Variants in ZMYND8 observed in about 807,000 individuals in gnomAD.
ZMYND8 encodes the protein MYND-type zinc finger-containing chromatin reader ZMYND8.
In ZMYND8, 37 loss-of-function variants were observed where a neutral mutation model predicts 140.8. The observed-to-expected ratio is 0.26, with a 90% confidence interval of 0.20 to 0.35. The LOEUF (loss-of-function observed/expected upper bound fraction) is 0.35. Among genes scored for constraint, ZMYND8 ranks in the 10% least tolerant of loss-of-function variants. The pLI is 1.00. For synonymous variants in ZMYND8, 592 were observed against 597.1 expected (o/e 0.99, Z 0.12); for missense variants, 1,068 against 1,570.0 (o/e 0.68, Z 5.40).
Position 47,301,640 on chromosome 20 carries a change from A to G in ZMYND8, c.235-2693T>C, listed in dbSNP as rs147862268. Among the ~76,000 whole-genome samples, 16 of 152,180 alleles carry G rather than the reference A, an allele frequency of 1.1e-4. No homozygotes were observed. In the East Asian group the frequency reaches 2.9e-3, roughly 27 times the overall value. ...CAGAAAGGTACTAAGAGCACTCCCT[A>G]ATGAGAAAATCAGAAATCAAAAATG... On this transcript the variant is annotated intron_variant, in intron 3 of 22. Coordinates refer to ENST00000471951, the MANE Select transcript of ZMYND8 (RefSeq NM_001281775.3).
intron 8 of ZMYND8, among the ~76,000 whole-genome samples, chr20:47,284,009 G>A (rs1042813275): frequency 1.5e-4 from 22 of 151,688 alleles, no homozygotes; most frequent in African/African-American, 3.9e-4. Flanking sequence ...TGCAACTTTC[G>A]CTTCCTGCGT....
intron 11 of ZMYND8, among the ~76,000 whole-genome samples, chr20:47,266,815 C>CTGTG (rs149463962): frequency 2.0e-5 from 3 of 151,080 alleles, no homozygotes; most frequent in Non-Finnish European, 3.0e-5. Context: ...ACAAAGCACT[C>CTGTG]TGTGTGTGTG....
chr20:47,223,369 G>A (rs1268556496), intron 19 of ZMYND8, among the ~76,000 whole-genome samples: 1 of 151,842 alleles, frequency 6.6e-6, no homozygotes, highest in Non-Finnish European at 1.5e-5. Context: ...AGCTGCGCAT[G>A]GTGATGTGTG....
chr20:47,355,986 T>G (rs2083201981), intron 1 of ZMYND8, among the ~76,000 whole-genome samples: 1 of 152,010 alleles, frequency 6.6e-6, no homozygotes, highest in African/African-American at 2.4e-5. Flanking sequence ...TAGTTTCAAG[T>G]GCAGAAGCTC....
chr20:47,319,096 TAA>T, intron 2 of ZMYND8: 1 of 1,282,330 alleles, frequency 7.8e-7, no homozygotes, highest in Non-Finnish European at 1.0e-6. Flanking sequence ...GAGAACAGGC[TAA>T]GAGTCACCAC....
intron 14 of ZMYND8, among the ~76,000 whole-genome samples, chr20:47,240,443 C>G (rs1286420198): frequency 1.3e-5 from 2 of 149,856 alleles, no homozygotes; most frequent in Non-Finnish European, 3.0e-5. Flanking sequence ...GAACCCGGGA[C>G]GTGGAGGTTG....
At chr20:47,326,823 G>A (rs951975539) in intron 2 of ZMYND8, among the ~76,000 whole-genome samples, 4 of 152,178 alleles carry the variant, frequency 2.6e-5, no homozygotes, top group African/African-American at 9.6e-5. Flanking sequence ...GTTCCCTCGA[G>A]CTTCTCAGAG....
chr20:47,219,571 G>A (rs1454726787), intron 21 of ZMYND8, among the ~76,000 whole-genome samples: 2 of 151,734 alleles, frequency 1.3e-5, no homozygotes, highest in Non-Finnish European at 2.9e-5. Flanking sequence ...TGGAGCTGTG[G>A]TGCCAGGCAA....
chr20:47,318,401 G>A (rs1426228312), intron 2 of ZMYND8: 1 of 332,192 alleles, frequency 3.0e-6, no homozygotes, highest in Non-Finnish European at 5.8e-6. Context: ...ACACAGAGCA[G>A]GTACCCAAAC....
chr20:47,335,659 C>G (rs1202067414), intron 2 of ZMYND8, among the ~76,000 whole-genome samples: 1 of 152,140 alleles, frequency 6.6e-6, no homozygotes, highest in East Asian at 1.9e-4. Context: ...AGATCACAGT[C>G]TTCTAGAATA....
At chr20:47,258,501 A>G (rs2147498184) in intron 12 of ZMYND8, among the ~76,000 whole-genome samples, 1 of 152,300 alleles carries the variant, frequency 6.6e-6, no homozygotes, top group South Asian at 2.1e-4. Context: ...CCACAACCAA[A>G]ACACAGAGCA....
intron 18 of ZMYND8, 143 bp from the exon 19 acceptor site, chr20:47,224,699 A>T: frequency 7.0e-7 from 1 of 1,420,140 alleles, no homozygotes; most frequent in African/African-American, 1.4e-5. Context: ...GCAATAACCT[A>T]GCCCGAGTCT....
intron 13 of ZMYND8, among the ~76,000 whole-genome samples, chr20:47,246,874 C>T (rs1394167911): frequency 2.0e-5 from 3 of 152,200 alleles, no homozygotes; most frequent in Middle Eastern, 6.3e-3. Context: ...GCTGTTCAAA[C>T]TGATCCAATT....
At chr20:47,216,943 TGA>T (rs1378310693) in intron 21 of ZMYND8, among the ~76,000 whole-genome samples, 13 of 152,194 alleles carry the variant, frequency 8.5e-5, no homozygotes, top group Admixed American at 7.2e-4. Flanking sequence ...GCGTGTGTGA[TGA>T]GAGGAGTTTG....
chr20:47,240,204 A>C (rs910445364), intron 14 of ZMYND8, among the ~76,000 whole-genome samples: 1 of 151,552 alleles, frequency 6.6e-6, no homozygotes, highest in Admixed American at 6.6e-5. Flanking sequence ...AGAGTGAGTG[A>C]GACTCCGTCT....
At chr20:47,255,125 AAAAT>A (rs1265530525) in intron 12 of ZMYND8, among the ~76,000 whole-genome samples, 1 of 152,196 alleles carries the variant, frequency 6.6e-6, no homozygotes, top group Non-Finnish European at 1.5e-5. Flanking sequence ...CCATCTCAAA[AAAAT>A]AAATAAAACA....
chr20:47,356,603 A>G (rs973971349), intron 1 of ZMYND8, 54 bp downstream of exon 1: 32 of 1,613,968 alleles, frequency 2.0e-5, no homozygotes, highest in African/African-American at 1.6e-4. Flanking sequence ...CTCGCCCACA[A>G]TTCGGATGTC....
rs772741423 is a variant in ZMYND8, at chr20:47,220,242, C to T, written c.3484+16G>A. ...GAAATGTGAAAGCACCGTTCGCCCA[C>T]CAGGGGGCAACATACCAGAGCCTTG... On this transcript the variant is annotated intron_variant, in intron 21 of 22. Coordinates refer to ENST00000471951, the MANE Select transcript of ZMYND8 (RefSeq NM_001281775.3). 6.4e-7 allele frequency: 1 copy of T among 1,555,728 alleles called. No homozygotes were observed. Among genetic ancestry groups the T allele is most frequent in the South Asian group, 1.2e-5 (1 of 84,306 alleles).
intron 4 of ZMYND8, among the ~76,000 whole-genome samples, chr20:47,295,710 T>C (rs2077593355): frequency 6.6e-6 from 1 of 152,196 alleles, no homozygotes; most frequent in Non-Finnish European, 1.5e-5. Context: ...TCTATCTCCA[T>C]GGGTAATAGA....
Sources: allele counts gnomAD v4.1 joint callset (sites outside exome capture counted in the v4.1 genomes callset), GRCh38; gene constraint gnomAD v4.1.1; transcripts MANE v1.5; gene names NCBI Gene and HGNC (gene_info 2026-07-23, HGNC 2026-07-21).